Variants in UXS1 observed in about 807,000 individuals in gnomAD.
The protein encoded by UXS1 is UDP-glucuronic acid decarboxylase 1.
In UXS1, 33 loss-of-function variants were observed where a neutral mutation model predicts 62.6. That is an observed-to-expected ratio of 0.53 (90% confidence interval 0.40 to 0.70). The LOEUF is 0.70. Ranked by LOEUF, UXS1 falls within the 30% of genes least tolerant of loss-of-function variation. The probability of loss-of-function intolerance (pLI) is 0.00; values close to 1 mark genes in which losing one functional copy is unlikely to be tolerated. For missense variants in UXS1, 434 were observed against 556.3 expected, an observed-to-expected ratio of 0.78 and a Z score of 2.21; for synonymous variants, 213 against 206.8, an observed-to-expected ratio of 1.03 and a Z score of -0.26.
chr2:106,100,751 A>C, intron 12 of UXS1: 1 of 318,036 alleles, frequency 3.1e-6, no homozygotes, highest in Non-Finnish European at 5.8e-6. Context: ...CGCCTGTTAA[A>C]TAGAGAACGA....
chr2:106,126,812 T>C (rs1349665177), intron 7 of UXS1, among the ~76,000 whole-genome samples: 1 of 152,216 alleles, frequency 6.6e-6, no homozygotes, highest in Non-Finnish European at 1.5e-5. Flanking sequence ...GATCAGTGAC[T>C]ATTTCCACTG....
intron 1 of UXS1, among the ~76,000 whole-genome samples, chr2:106,191,556 T>C (rs1461610695): frequency 6.6e-6 from 1 of 152,258 alleles, no homozygotes; most frequent in Admixed American, 6.5e-5. Flanking sequence ...ATCAACCATG[T>C]CGTGGGCTGC....
chr2:106,097,062 T>TGG, intron 13 of UXS1: 1 of 634,978 alleles, frequency 1.6e-6, no homozygotes, highest in Non-Finnish European at 2.9e-6. Context: ...AAGAGCTCGG[T>TGG]GGGGGGCAGG....
chr2:106,130,995 C>T (rs533304171), intron 6 of UXS1, among the ~76,000 whole-genome samples: 5 of 151,788 alleles, frequency 3.3e-5, no homozygotes, highest in East Asian at 2.0e-4. Context: ...TCTGAGGTTC[C>T]GGGTTCATCT....
chr2:106,180,997 T>C (rs149850854), intron 1 of UXS1, among the ~76,000 whole-genome samples: 55 of 152,294 alleles, frequency 3.6e-4, no homozygotes, highest in African/African-American at 1.1e-3. Context: ...GAAAATGAAA[T>C]ATACTTTCCC....
intron 1 of UXS1, among the ~76,000 whole-genome samples, chr2:106,185,669 T>C (rs993189451): frequency 6.6e-6 from 1 of 152,216 alleles, no homozygotes. Flanking sequence ...GATTGTTATC[T>C]TACTTGGAAA....
At chr2:106,095,915 G>T (rs913865798) in intron 14 of UXS1, among the ~76,000 whole-genome samples, 2 of 152,226 alleles carry the variant, frequency 1.3e-5, no homozygotes, top group African/African-American at 4.8e-5. Flanking sequence ...GCAGAAGCAG[G>T]CGGGGTTCAG....
At chr2:106,168,680 T>C (rs1029164749) in intron 1 of UXS1, among the ~76,000 whole-genome samples, 1 of 152,206 alleles carries the variant, frequency 6.6e-6, no homozygotes, top group Non-Finnish European at 1.5e-5. Flanking sequence ...TGTCATGGCC[T>C]TATTTATAAT....
intron 13 of UXS1, among the ~76,000 whole-genome samples, chr2:106,098,161 G>A (rs796452167): frequency 8.5e-5 from 13 of 152,326 alleles, no homozygotes; most frequent in African/African-American, 2.9e-4. Context: ...AGAGCTCCAG[G>A]AAGTCTGAAG....
chr2:106,128,437 T>A (rs552890314), intron 7 of UXS1, among the ~76,000 whole-genome samples: 1 of 152,158 alleles, frequency 6.6e-6, no homozygotes, highest in African/African-American at 2.4e-5. Context: ...TGAAGGTGTT[T>A]CCGGAAGAGA....
At position 106,093,835 on chromosome 2, in the gene UXS1, AG is replaced by A; in HGVS notation, c.*190del. The stretch of plus-strand genomic sequence containing the variant: ...TAAAAAGAGAGATTCAAAAAGTGCA[AG>A]GCAAAATCTGCAGTTTTTTGAGGGG... On this transcript the variant is annotated 3_prime_UTR_variant, in exon 15 of 15. Transcript: ENST00000283148. The A allele has an allele frequency of 1.5e-6, 1 of 688,744 alleles. No individual in the cohort carries two copies. The highest frequency in any genetic ancestry group is 3.3e-5 in the East Asian group (1 of 30,378). 42.7% of individuals were successfully genotyped at this position (688,744 alleles called of 1,614,324 possible).
At chr2:106,175,867 T>C (rs1407365625) in intron 1 of UXS1, among the ~76,000 whole-genome samples, 2 of 152,188 alleles carry the variant, frequency 1.3e-5, no homozygotes, top group Admixed American at 6.5e-5. Flanking sequence ...ACGGTAACTG[T>C]TTTCTGCCAC....
intron 6 of UXS1, among the ~76,000 whole-genome samples, chr2:106,137,416 A>G (rs1284498657): frequency 1.3e-5 from 2 of 152,142 alleles, no homozygotes; most frequent in African/African-American, 4.8e-5. Context: ...TTAGCCCCAG[A>G]AACAGGCACT....
At position 106,145,307 on chromosome 2, in the gene UXS1, C is replaced by T. The variant is rs938498994; in HGVS notation, c.355G>A (p.Glu119Lys). The change falls in exon 6 of 15, where the codon GAG becomes AAG. Residue 119 changes from glutamate (E) to lysine (K), a missense_variant. Physicochemically the swap from Glu to Lys is moderately conservative, Grantham distance 56. Coordinates refer to ENST00000283148, the MANE Select transcript of UXS1 (RefSeq NM_001253875.2). ...LTDKLMMDGH[E>K]VTVVDNFFTG... ...AAGAAATTGTCCACCACGGTCACCT[C>T]GTGGCCGTCCATCATGAGTTTGTCA... is the stretch of plus-strand genomic sequence containing the variant. 6.8e-6 allele frequency: 11 copies of T among 1,613,876 alleles called. No individual in the cohort carries two copies. The highest frequency in any genetic ancestry group is 2.7e-5 in the African/African-American group (2 of 74,932).
In UXS1 at chr2:106,127,742, T is replaced by C. The variant is rs371794098; in HGVS notation, c.577+1932A>G. On this transcript the variant is annotated intron_variant, in intron 7 of 14. Coordinates refer to ENST00000283148, the MANE Select transcript of UXS1 (RefSeq NM_001253875.2). ...GCGCCTCTCGGTTCAGAATACAAAGTCCAATTTGGGTTTCTTTCCAGCCTA... is the reference window on the plus strand; with the variant it reads ...GCGCCTCTCGGTTCAGAATACAAAGCCCAATTTGGGTTTCTTTCCAGCCTA... 7.5e-4 allele frequency among the ~76,000 whole-genome samples: 114 copies of C among 152,274 alleles called. 1 individual carries two copies. The highest frequency in any genetic ancestry group is 2.5e-3 in the African/African-American group (104 of 41,538).
chr2:106,129,343 G>A (rs1393191091), intron 7 of UXS1, among the ~76,000 whole-genome samples: 1 of 152,184 alleles, frequency 6.6e-6, no homozygotes. Context: ...TTCATCAACT[G>A]GTTTCAGAGG....
chr2:106,103,683 A>T (rs1222751409), intron 11 of UXS1, among the ~76,000 whole-genome samples: 1 of 152,188 alleles, frequency 6.6e-6, no homozygotes, highest in Non-Finnish European at 1.5e-5. Flanking sequence ...GTTATAGTAC[A>T]CTTCTGGGCT....
intron 9 of UXS1, among the ~76,000 whole-genome samples, chr2:106,120,905 C>T (rs1033192152): frequency 2.0e-5 from 3 of 152,196 alleles, no homozygotes; most frequent in Non-Finnish European, 4.4e-5. Context: ...AGGGATGCTA[C>T]CTTGAGCAGG....
At chr2:106,159,382 C>T (rs1340611455) in intron 4 of UXS1, 2 of 152,172 alleles carry the variant, frequency 1.3e-5, no homozygotes, top group African/African-American at 2.4e-5. Context: ...GACCAGCGTC[C>T]CTGGTAAAAC....
Sources: allele counts gnomAD v4.1 joint callset (sites outside exome capture counted in the v4.1 genomes callset), GRCh38; gene constraint gnomAD v4.1.1; transcripts MANE v1.5; gene names NCBI Gene and HGNC (gene_info 2026-07-23, HGNC 2026-07-21).